ZNF561: variants seen among roughly 807,000 people sequenced by gnomAD.
The protein encoded by ZNF561 is zinc finger protein 561.
In ZNF561, 16 loss-of-function variants were observed where a neutral mutation model predicts 16.7. The ratio of observed to expected loss-of-function variants is 0.96; its 90% CI spans 0.65 to 1.45. The LOEUF (loss-of-function observed/expected upper bound fraction) is 1.45. Among genes scored for constraint, ZNF561 ranks in the 40% most tolerant of loss-of-function variants. ZNF561 has a pLI of 0.00. For synonymous variants in ZNF561, 190 were observed against 192.1 expected, an observed-to-expected ratio of 0.99 and a Z score of 0.09; for missense variants, 580 against 578.0, an observed-to-expected ratio of 1.00 and a Z score of -0.04.
At chr19:9,613,593 A>C (rs756490284) in intron 5 of ZNF561, among the ~76,000 whole-genome samples, 2 of 151,896 alleles carry the variant, frequency 1.3e-5, no homozygotes, top group Non-Finnish European at 2.9e-5. Context: ...ATCTCAGCTC[A>C]TTGCAACCTC....
Position 9,619,496 on chromosome 19 carries a change from T to G in ZNF561, c.-40A>C. On this transcript the variant is annotated 5_prime_UTR_variant, in exon 2 of 6. Coordinates refer to ENST00000302851, the MANE Select transcript of ZNF561 (RefSeq NM_152289.3). ...GGTGTGATGATGTGCATCCCTTCCT[T>G]GATGCCAAGATCACCTCAGGCCAGC... 1 of 1,611,050 alleles carries G rather than the reference T, an allele frequency of 6.2e-7. No homozygotes were observed. The highest frequency in any genetic ancestry group is 8.5e-7 in the Non-Finnish European group (1 of 1,177,828).
chr19:9,615,562 C>T (rs1253695118), intron 4 of ZNF561, among the ~76,000 whole-genome samples: 1 of 151,634 alleles, frequency 6.6e-6, no homozygotes, highest in East Asian at 2.0e-4. Context: ...TGCACCACCG[C>T]ACTCCAGCCT....
chr19:9,613,679 G>A (rs200847186), intron 5 of ZNF561, among the ~76,000 whole-genome samples: 17 of 152,146 alleles, frequency 1.1e-4, no homozygotes, highest in East Asian at 3.9e-4. Context: ...CACCACACTC[G>A]GCTAATTTTG....
intron 4 of ZNF561, among the ~76,000 whole-genome samples, chr19:9,614,611 G>T (rs887905804): frequency 2.0e-5 from 3 of 152,120 alleles, no homozygotes; most frequent in Non-Finnish European, 2.9e-5. Flanking sequence ...GAAAAGAAAA[G>T]AAAATTAAAG....
At position 9,607,724 on chromosome 19, in the gene ZNF561, A is replaced by G. The variant is rs2074374662; in HGVS notation, c.*2476T>C. The G allele has an allele frequency of 6.6e-6, 1 of 152,220 alleles. No individual in the cohort carries two copies. The highest frequency in any genetic ancestry group is 1.5e-5 in the Non-Finnish European group (1 of 68,034). 9.4% of individuals were successfully genotyped at this position (152,220 alleles called of 1,614,324 possible). ...AGGTATAACCTAACGACTAAAGTGGAAAAGTAAGAGTCATTATTTACAGAT... is the reference window on the plus strand; with the variant it reads ...AGGTATAACCTAACGACTAAAGTGGGAAAGTAAGAGTCATTATTTACAGAT... On this transcript the variant is annotated 3_prime_UTR_variant, in exon 6 of 6. Transcript: ENST00000302851.
chr19:9,619,282 T>TAAAC (rs1394388765), intron 2 of ZNF561, 150 bp downstream of exon 2: 1 of 496,844 alleles, frequency 2.0e-6, no homozygotes, highest in Non-Finnish European at 3.4e-6. Flanking sequence ...AATAAATAAA[T>TAAAC]AATAAAACAG....
At position 9,607,785 on chromosome 19, in the gene ZNF561, T is replaced by C. The variant is rs1232072944; in HGVS notation, c.*2415A>G. The C allele has an allele frequency of 6.6e-6, 1 of 152,224 alleles. No homozygotes were observed. The highest frequency in any genetic ancestry group is 1.5e-5 in the Non-Finnish European group (1 of 68,042). 9.4% of individuals were successfully genotyped at this position (152,224 alleles called of 1,614,324 possible). A position where few individuals can be genotyped will look rare whatever the true frequency, so the allele number is the denominator to read the frequency against. ...TCTATGTGGAAACGGAAAAGAATCA[T>C]ATTAAGTACTTTGGACTGAATGATA... On this transcript the variant is annotated 3_prime_UTR_variant, in exon 6 of 6. Coordinates refer to ENST00000302851, the MANE Select transcript of ZNF561 (RefSeq NM_152289.3).
intron 4 of ZNF561, chr19:9,614,410 A>G (rs1410388533): frequency 3.9e-6 from 1 of 259,198 alleles, no homozygotes; most frequent in Non-Finnish European, 7.6e-6. Context: ...GGAGTTCGAG[A>G]CCAGCCTGAC....
Position 9,610,309 on chromosome 19 carries a change from C to T in ZNF561, c.1352G>A (p.Cys451Tyr). The part of the protein sequence containing the change: ...RTHTGEKPFV[C>Y]KECGKAFAVS... ...AGCAAATGCTTTCCCACATTCTTTA[C>T]ATACGAAGGGTTTCTCTCCGGTATG... Residue 451 changes from cysteine to tyrosine, a missense_variant, in exon 6 of 6, where the codon TGT (cysteine) becomes TAT (tyrosine). By Grantham distance (194) the Cys-to-Tyr change is radical. Coordinates refer to ENST00000302851, the MANE Select transcript of ZNF561 (RefSeq NM_152289.3). 1 of 1,614,190 alleles carries T rather than the reference C, an allele frequency of 6.2e-7. No homozygotes were observed. The highest frequency in any genetic ancestry group is 8.5e-7 in the Non-Finnish European group (1 of 1,180,020).
chr19:9,613,074 A>G (rs1414708318), intron 5 of ZNF561, among the ~76,000 whole-genome samples: 1 of 152,124 alleles, frequency 6.6e-6, no homozygotes, highest in Non-Finnish European at 1.5e-5. Flanking sequence ...TACAGGTGTC[A>G]GCCATTGCAC....
Position 9,610,482 on chromosome 19 carries a change from A to G in ZNF561, c.1179T>C (p.Tyr393=), listed in dbSNP as rs537693370. The G allele has an allele frequency of 2.5e-5, 41 of 1,613,344 alleles. No homozygotes were observed. The East Asian group carries it at 7.8e-4, about 31-fold the overall frequency. ...HTRIHTGEKP[Y]ECVECGKTFI... ...AGGTCTTCCCACATTCAACACATTC[A>G]TAAGGCTTCTCTCCTGTGTGAATTC... Residue 393 remains tyrosine, a synonymous_variant, in exon 6 of 6, where the codon TAT becomes TAC. Transcript: ENST00000302851.
intron 5 of ZNF561, among the ~76,000 whole-genome samples, chr19:9,611,933 AT>A (rs1366227676): frequency 6.6e-6 from 1 of 151,644 alleles, no homozygotes; most frequent in Non-Finnish European, 1.5e-5. Flanking sequence ...TTGTTTGTTT[AT>A]TTATTTATTT....
chr19:9,619,002 C>G (rs2074609890), intron 2 of ZNF561: 1 of 152,368 alleles, frequency 6.6e-6, no homozygotes, highest in South Asian at 2.1e-4. Context: ...TACTTGAACC[C>G]AGGAGACAGA....
intron 3 of ZNF561, chr19:9,617,802 T>G (rs181863425): frequency 2.0e-6 from 1 of 488,660 alleles, no homozygotes; most frequent in Non-Finnish European, 4.0e-6. Flanking sequence ...AAGGACACTT[T>G]CATCTGCTTT....
In ZNF561 at chr19:9,610,417, T is replaced by C. The variant is rs1242385340; in HGVS notation, c.1244A>G (p.His415Arg). ...SSRRSKHLKT[H>R]SGEKPFVCKI... is the part of the protein sequence containing the mutation. Reference sequence around the variant, plus strand: ...GCATACAAAGGGCTTTTCTCCACTATGAGTTTTCAAATGTTTACTACGACG... The same window carrying C: ...GCATACAAAGGGCTTTTCTCCACTACGAGTTTTCAAATGTTTACTACGACG... Residue 415 changes from histidine (H) to arginine (R), a missense_variant, in exon 6 of 6, where the codon CAT becomes CGT. By Grantham distance (29) the His-to-Arg change is conservative. Coordinates refer to ENST00000302851, the MANE Select transcript of ZNF561 (RefSeq NM_152289.3). 3 of 1,612,686 alleles carry C rather than the reference T, an allele frequency of 1.9e-6. No individual in the cohort carries two copies. Among genetic ancestry groups the C allele is most frequent in the South Asian group, 2.2e-5 (2 of 91,062 alleles).
Position 9,610,027 on chromosome 19 carries a change from G to A in ZNF561, c.*173C>T. On this transcript the variant is annotated 3_prime_UTR_variant, in exon 6 of 6. Transcript: ENST00000302851. ...CCATCCATGACCCTTCTTCACAGAT[G>A]CCCAGACTCAGGCAACCATGATGTT... 3.3e-6 allele frequency: 2 copies of A among 603,026 alleles called. No individual in the cohort carries two copies. The highest frequency in any genetic ancestry group is 5.7e-6 in the Non-Finnish European group (2 of 353,276). The allele number at this position is 603,026 out of a possible 1,614,324, so 37.4% of individuals were successfully genotyped here.
In ZNF561 at chr19:9,611,232, C is replaced by T; in HGVS notation, c.429G>A (p.Gly143=). The T allele has an allele frequency of 6.2e-7, 1 of 1,613,922 alleles. No homozygotes were observed. Among genetic ancestry groups the T allele is most frequent in the Non-Finnish European group, 8.5e-7 (1 of 1,179,886 alleles). The stretch of plus-strand genomic sequence containing the variant: ...CATAACAATTACCCTCAGAAGTATT[C>T]CCTCCATTCTGAACTCTCATGTGTG... ...LKTHMRVQNG[G]NTSEGNCYGK... The change falls in exon 6 of 6, where the codon GGG becomes GGA. Residue 143 remains glycine (G), a synonymous_variant. Coordinates refer to ENST00000302851, the MANE Select transcript of ZNF561 (RefSeq NM_152289.3).
chr19:9,610,877 A>G lies in ZNF561; in HGVS notation c.784T>C (p.Phe262Leu). Residue 262 changes from phenylalanine (F) to leucine (L), a missense_variant, in exon 6 of 6, where the codon TTC becomes CTC. Coordinates refer to ENST00000302851, the MANE Select transcript of ZNF561 (RefSeq NM_152289.3). ...GCATAAAGTTGAGAAAAATTAGTGA[A>G]GGATTTCCCACATTTCTTAGTCTTT... is the stretch of plus-strand genomic sequence containing the variant. ...SKKTKKCGKS[F>L]TNFSQLYAPV... is the part of the protein sequence containing the mutation. The G allele has an allele frequency of 1.2e-6, 2 of 1,614,172 alleles. No individual in the cohort carries two copies. The highest frequency in any genetic ancestry group is 1.7e-6 in the Non-Finnish European group (2 of 1,180,026).
chr19:9,618,002 A>G, intron 3 of ZNF561, 89 bp downstream of exon 3: 1 of 1,260,286 alleles, frequency 7.9e-7, no homozygotes, highest in South Asian at 1.3e-5. Flanking sequence ...CTCTAAGAAA[A>G]CTCTGAAGAT....
Sources: gnomAD v4.1 joint callset for allele counts (sites outside exome capture counted in the v4.1 genomes callset) on GRCh38, gnomAD v4.1.1 for gene constraint, MANE v1.5 for transcripts, NCBI Gene and HGNC (gene_info 2026-07-23, HGNC 2026-07-21) for gene names.